Variants in SLIT2 observed in about 807,000 individuals in gnomAD.
The protein encoded by SLIT2 is slit guidance ligand 2.
A neutral mutation model predicts 185.7 loss-of-function variants in SLIT2; 41 were observed. The observed-to-expected ratio is 0.22, with a 90% CI of 0.17 to 0.29. The LOEUF (loss-of-function observed/expected upper bound fraction) is 0.29. Ranked by LOEUF, SLIT2 falls within the 10% of genes least tolerant of loss-of-function variation. The pLI, the probability that SLIT2 is intolerant of heterozygous loss-of-function variation, is 1.00. For synonymous variants in SLIT2, 693 were observed against 680.2 expected (o/e 1.02, Z -0.29); for missense variants, 1,571 against 1,909.0 (o/e 0.82, Z 3.30).
intron 29 of SLIT2, among the ~76,000 whole-genome samples, chr4:20,570,756 T>TATATGTATATATATATATATATATAC (rs1725537550): frequency 7.2e-6 from 1 of 139,838 alleles, no homozygotes; most frequent in Non-Finnish European, 1.5e-5. Flanking sequence ...TATATATATA[T>TATATGTATATATATATATATATATAC]ATATATTTCC....
intron 18 of SLIT2, among the ~76,000 whole-genome samples, chr4:20,537,998 C>T (rs1270686337): frequency 2.6e-5 from 4 of 152,140 alleles, no homozygotes. Context: ...CTCGCTCTGT[C>T]GCCCAGGCTG....
intron 21 of SLIT2, among the ~76,000 whole-genome samples, chr4:20,544,290 T>C (rs914038657): frequency 6.6e-6 from 1 of 152,180 alleles, no homozygotes; most frequent in African/African-American, 2.4e-5. Flanking sequence ...CAGACCACCT[T>C]TGATGCTAAA....
intron 7 of SLIT2, among the ~76,000 whole-genome samples, chr4:20,487,883 A>G (rs922916618): frequency 1.3e-5 from 2 of 152,146 alleles, no homozygotes; most frequent in East Asian, 1.9e-4. Context: ...ACTGAGTTCC[A>G]TGTTTTAATA....
intron 29 of SLIT2, among the ~76,000 whole-genome samples, chr4:20,571,321 G>C (rs543863286): frequency 6.6e-6 from 1 of 152,100 alleles, no homozygotes; most frequent in East Asian, 1.9e-4. Flanking sequence ...AGTGCATGGC[G>C]TACAGAACAT....
chr4:20,565,078 A>C (rs771372065), intron 26 of SLIT2, among the ~76,000 whole-genome samples: 1 of 151,950 alleles, frequency 6.6e-6, no homozygotes, highest in Non-Finnish European at 1.5e-5. Context: ...CCCTAAGACA[A>C]TCTCTTTAAT....
At chr4:20,573,198 A>C (rs1725764550) in intron 29 of SLIT2, 2 of 702,900 alleles carry the variant, frequency 2.8e-6, no homozygotes, top group Non-Finnish European at 5.2e-6. Context: ...TGCAATGTAA[A>C]AAGTCTTTTG....
At chr4:20,469,791 T>C (rs949320979) in intron 5 of SLIT2, among the ~76,000 whole-genome samples, 7 of 136,850 alleles carry the variant, frequency 5.1e-5, no homozygotes, top group African/African-American at 1.6e-4. Context: ...TGTCTCGCTC[T>C]CTCACCCAGG....
chr4:20,327,444 T>C (rs527316464), intron 4 of SLIT2, among the ~76,000 whole-genome samples: 1 of 152,162 alleles, frequency 6.6e-6, no homozygotes, highest in South Asian at 2.1e-4. Context: ...AAAAAAGTTA[T>C]TTTAGAAAAA....
chr4:20,583,251 A>G (rs1245404037), intron 29 of SLIT2, among the ~76,000 whole-genome samples: 1 of 152,144 alleles, frequency 6.6e-6, no homozygotes. Flanking sequence ...TTATACTTCT[A>G]GCATTGGTAG....
At chr4:20,304,830 A>G (rs1255229757) in intron 4 of SLIT2, among the ~76,000 whole-genome samples, 1 of 152,104 alleles carries the variant, frequency 6.6e-6, no homozygotes, top group East Asian at 1.9e-4. Flanking sequence ...ATTTTAAGAG[A>G]GCGTGATTGG....
chr4:20,542,385 T>A, intron 20 of SLIT2, 109 bp from the exon 21 acceptor site: 3 of 1,018,506 alleles, frequency 2.9e-6, no homozygotes, highest in Non-Finnish European at 3.0e-6. Context: ...TAAATGATTA[T>A]GTAGCTTAAG....
intron 4 of SLIT2, among the ~76,000 whole-genome samples, chr4:20,354,918 A>T (rs201385763): frequency 1.0e-3 from 157 of 150,422 alleles, no homozygotes; most frequent in East Asian, 9.6e-3. Context: ...AGAGAGAGAG[A>T]GAGAGAGAGA....
At position 20,258,744 on chromosome 4, in the gene SLIT2, A is replaced by G. The variant is rs140971868; in HGVS notation, c.323+805A>G. Among the ~76,000 whole-genome samples the G allele has an allele frequency of 2.8e-4, 42 of 151,852 alleles. 1 individual carries two copies. Among genetic ancestry groups the G allele is most frequent in the East Asian group, 1.9e-4 (1 of 5,186 alleles). ...ATTGTATGTCTTACATGCCTTGATT[A>G]TTCAGGTTTGATATGTTTGCATTTT... On this transcript the variant is annotated intron_variant, in intron 3 of 36. Transcript: ENST00000504154.
At chr4:20,566,217 TA>T (rs1577937152) in intron 26 of SLIT2, among the ~76,000 whole-genome samples, 1 of 152,032 alleles carries the variant, frequency 6.6e-6, no homozygotes, top group East Asian at 1.9e-4. Flanking sequence ...AATGTTCAAT[TA>T]GAATTATTGC....
intron 4 of SLIT2, among the ~76,000 whole-genome samples, chr4:20,331,394 A>G (rs1461398167): frequency 6.6e-6 from 1 of 152,176 alleles, no homozygotes; most frequent in Non-Finnish European, 1.5e-5. Context: ...GCAACAGTCT[A>G]TAAGAATGTT....
chr4:20,341,141 AC>A, intron 4 of SLIT2, among the ~76,000 whole-genome samples: 1 of 152,186 alleles, frequency 6.6e-6, no homozygotes, highest in South Asian at 2.1e-4. Context: ...AGGACCTTGC[AC>A]TTTGTAGGAG....
chr4:20,384,447 G>A (rs1030196643), intron 4 of SLIT2, among the ~76,000 whole-genome samples: 1 of 152,044 alleles, frequency 6.6e-6, no homozygotes, highest in African/African-American at 2.4e-5. Flanking sequence ...AGTTTTAGTG[G>A]TTACATGACT....
chr4:20,529,128 T>G (rs1382592653), intron 16 of SLIT2, 29 bp downstream of exon 16: 1 of 1,551,034 alleles, frequency 6.4e-7, no homozygotes, highest in East Asian at 2.3e-5. Flanking sequence ...AAAATTCTGG[T>G]TGGGATGGAG....
At chr4:20,578,537 A>G (rs959921540) in intron 29 of SLIT2, among the ~76,000 whole-genome samples, 2 of 152,224 alleles carry the variant, frequency 1.3e-5, no homozygotes, top group African/African-American at 4.8e-5. Flanking sequence ...AAGTTACAGT[A>G]GGAATAAAAA....
Sources: allele counts gnomAD v4.1 joint callset (sites outside exome capture counted in the v4.1 genomes callset), GRCh38; gene constraint gnomAD v4.1.1; transcripts MANE v1.5; gene names NCBI Gene and HGNC (gene_info 2026-07-23, HGNC 2026-07-21).